NCOR1: variants seen among roughly 807,000 people sequenced by gnomAD.
The protein encoded by NCOR1 is protein phosphatase 1, regulatory subunit 109.
A neutral mutation model predicts 288.1 loss-of-function variants in NCOR1; 63 were observed. The observed-to-expected ratio is 0.22, with a 90% confidence interval of 0.18 to 0.27. The LOEUF is 0.27. Among genes scored for constraint, NCOR1 ranks in the 10% least tolerant of loss-of-function variants. The pLI is 1.00. For synonymous variants in NCOR1, 1,007 were observed against 1,065.9 expected, an observed-to-expected ratio of 0.94 and a Z score of 1.08; for missense variants, 2,397 against 3,019.2, an observed-to-expected ratio of 0.79 and a Z score of 4.83.
chr17:16,153,409 C>T lies in NCOR1; in HGVS notation c.733-14G>A, dbSNP rs2079175696. On this transcript the variant is annotated splice_polypyrimidine_tract_variant and intron_variant, in intron 6 of 45. Coordinates refer to ENST00000268712, the MANE Select transcript of NCOR1 (RefSeq NM_006311.4). ...TTCTGCTTTTTTCTAGAGATAAAGA[C>T]ATTGTTGTATCATATAATTAAAAAT... The T allele has an allele frequency of 6.4e-7, 1 of 1,553,550 alleles. No individual in the cohort carries two copies. Among genetic ancestry groups the T allele is most frequent in the African/African-American group, 1.4e-5 (1 of 72,802 alleles).
chr17:16,084,233 CT>C (rs2063861460), intron 23 of NCOR1: 2 of 152,344 alleles, frequency 1.3e-5, no homozygotes, highest in Non-Finnish European at 1.5e-5. Context: ...TCTGAGGTGC[CT>C]TTTTCCAAAG....
chr17:16,034,720 T>C, intron 45 of NCOR1, 45 bp downstream of exon 45: 1 of 1,478,446 alleles, frequency 6.8e-7, no homozygotes, highest in Non-Finnish European at 9.3e-7. Context: ...AAGACATTGA[T>C]ATTATTGCTC....
intron 22 of NCOR1, chr17:16,091,576 G>T (rs919335563): frequency 4.9e-6 from 6 of 1,235,246 alleles, no homozygotes; most frequent in Non-Finnish European, 6.2e-6. Flanking sequence ...CAGATGAACG[G>T]AACATAAAGC....
intron 1 of NCOR1, among the ~76,000 whole-genome samples, chr17:16,211,118 T>TA (rs2092088597): frequency 6.6e-6 from 1 of 152,158 alleles, no homozygotes; most frequent in Non-Finnish European, 1.5e-5. Context: ...CGAAAAGACT[T>TA]AGATTCTGCT....
intron 45 of NCOR1, among the ~76,000 whole-genome samples, chr17:16,033,022 G>A (rs1567607881): frequency 6.6e-6 from 1 of 152,112 alleles, no homozygotes; most frequent in Non-Finnish European, 1.5e-5. Context: ...ATGTTTAACT[G>A]TCCCCAGAAA....
Position 16,086,458 on chromosome 17 carries a change from A to T in NCOR1, c.3017-16T>A. 6.2e-7 allele frequency: 1 copy of T among 1,602,032 alleles called. No individual in the cohort carries two copies. Among genetic ancestry groups the T allele is most frequent in the Non-Finnish European group, 8.5e-7 (1 of 1,171,298 alleles). On this transcript the variant is annotated splice_polypyrimidine_tract_variant and intron_variant, in intron 22 of 45. Coordinates refer to ENST00000268712, the MANE Select transcript of NCOR1 (RefSeq NM_006311.4). ...GGCTGAAGGACTTTTAAAAGGAAAG[A>T]AAAATGATTTTAAACTAGTCCATTT...
At chr17:16,207,923 T>TCCTAGTCAAGATTAG (rs2091716628) in intron 1 of NCOR1, among the ~76,000 whole-genome samples, 1 of 151,888 alleles carries the variant, frequency 6.6e-6, no homozygotes, top group South Asian at 2.1e-4. Flanking sequence ...ACTTTTCCTT[T>TCCTAGTCAAGATTAG]ACTCCTGACT....
chr17:16,069,245 C>T (rs1186660591), intron 31 of NCOR1, among the ~76,000 whole-genome samples: 10 of 152,142 alleles, frequency 6.6e-5, no homozygotes, highest in Admixed American at 6.5e-4. Context: ...CAAGTCCCAG[C>T]GTGCTCAAAT....
intron 21 of NCOR1, among the ~76,000 whole-genome samples, chr17:16,092,685 ATATATATATATTTTTTTTTT>A (rs1567960065): frequency 7.2e-5 from 1 of 13,836 alleles, no homozygotes; most frequent in African/African-American, 3.3e-4. Flanking sequence ...ATATATATAT[ATATATATATATTTTTTTTTT>A]TTTTTTTTTT....
chr17:16,106,677 A>G, intron 19 of NCOR1, among the ~76,000 whole-genome samples: 1 of 151,746 alleles, frequency 6.6e-6, no homozygotes, highest in Non-Finnish European at 1.5e-5. Flanking sequence ...AGGAATAAGT[A>G]TGAGATCACA....
At chr17:16,106,718 T>C (rs541670856) in intron 19 of NCOR1, among the ~76,000 whole-genome samples, 23 of 151,580 alleles carry the variant, frequency 1.5e-4, no homozygotes, top group Non-Finnish European at 2.7e-4. Context: ...TGTTCTCTTC[T>C]TGACACTTTC....
Position 16,126,142 on chromosome 17 carries a change from GT to G in NCOR1, c.1573del (p.Thr525GlnfsTer30). 1 of 1,539,854 alleles carries G rather than the reference GT, an allele frequency of 6.5e-7. No individual in the cohort carries two copies. Among genetic ancestry groups the G allele is most frequent in the South Asian group, 1.3e-5 (1 of 79,180 alleles). On this transcript the variant is annotated frameshift_variant, in exon 15 of 46. Coordinates refer to ENST00000268712, the MANE Select transcript of NCOR1 (RefSeq NM_006311.4). LOFTEE classifies it high-confidence loss of function. ...TTTCTTTTCTTCTTCTTTTTTTTCT[GT>G]TTTTTCTGCTTTATCCTCTTCTTTT... is the stretch of plus-strand genomic sequence containing the variant. ...EEKEEDKAEKTEKKEEEKKDE... is the reference protein window; with the variant it reads ...EEKEEDKAEKXEKKEEEKKDE...
intron 20 of NCOR1, among the ~76,000 whole-genome samples, chr17:16,099,210 T>C (rs2067173990): frequency 6.6e-6 from 1 of 152,106 alleles, no homozygotes; most frequent in Non-Finnish European, 1.5e-5. Flanking sequence ...CATCTCACAC[T>C]CCACCGGCTG....
intron 18 of NCOR1, among the ~76,000 whole-genome samples, chr17:16,110,175 T>C (rs558409418): frequency 6.6e-6 from 1 of 152,128 alleles, no homozygotes; most frequent in Admixed American, 6.6e-5. Flanking sequence ...CGCAACAAAG[T>C]TGGACACCTG....
At position 16,181,140 on chromosome 17, in the gene NCOR1, C is replaced by T. The variant is rs186389326; in HGVS notation, c.242+5414G>A. On this transcript the variant is annotated intron_variant, in intron 3 of 45. Transcript: ENST00000268712. ...TGCCATTGCACTCCAGCTTGGGTGA[C>T]AGAGTGAGACTCTGTCTAAAAAAAA... Among the ~76,000 whole-genome samples, 528 of 147,724 alleles carry T rather than the reference C, an allele frequency of 3.6e-3. 1 individual carries two copies. Among genetic ancestry groups the T allele is most frequent in the Middle Eastern group, 0.011 (3 of 266 alleles).
chr17:16,066,974 T>G (rs1485231827), intron 32 of NCOR1, among the ~76,000 whole-genome samples: 2 of 152,226 alleles, frequency 1.3e-5, no homozygotes, highest in African/African-American at 4.8e-5. Context: ...AGAAGAGGTC[T>G]CAGCAGAAAA....
chr17:16,080,529 C>T lies in NCOR1; in HGVS notation c.3299-20G>A. 6.2e-7 allele frequency: 1 copy of T among 1,613,976 alleles called. No individual in the cohort carries two copies. Among genetic ancestry groups the T allele is most frequent in the South Asian group, 1.1e-5 (1 of 91,070 alleles). ...AAGTAGCTGTGGAAAGGCAGAGAAACATGAAACAATCCAGTACTAAATTAC... is the reference window on the plus strand; with the variant it reads ...AAGTAGCTGTGGAAAGGCAGAGAAATATGAAACAATCCAGTACTAAATTAC... On this transcript the variant is annotated intron_variant, in intron 24 of 45. Transcript: ENST00000268712.
chr17:16,083,647 G>T (rs939487818), intron 23 of NCOR1, among the ~76,000 whole-genome samples: 1 of 151,600 alleles, frequency 6.6e-6, no homozygotes, highest in African/African-American at 2.4e-5. Context: ...AGATGTTTGG[G>T]GGGAAACATC....
chr17:16,146,332 AT>A, intron 10 of NCOR1, 43 bp downstream of exon 10: 1 of 1,524,706 alleles, frequency 6.6e-7, no homozygotes, highest in Non-Finnish European at 8.8e-7. Context: ...AACAATAAAT[AT>A]TTGAAGAAAA....
Sources: gnomAD v4.1 joint callset for allele counts (sites outside exome capture counted in the v4.1 genomes callset) on GRCh38, gnomAD v4.1.1 for gene constraint, MANE v1.5 for transcripts, NCBI Gene and HGNC (gene_info 2026-07-23, HGNC 2026-07-21) for gene names.